The following PARD3B variants were observed in gnomAD, a reference collection of about 807,000 sequenced individuals.
The protein encoded by PARD3B is par-3 family cell polarity regulator beta, also known as partitioning defective 3 homolog B.
Under a neutral mutation model 130.2 loss-of-function variants are expected in PARD3B, and 103 were observed. That is an observed-to-expected ratio of 0.79 (90% confidence interval 0.67 to 0.93). The LOEUF is 0.93. Ranked by LOEUF, PARD3B falls within the 40% of genes least tolerant of loss-of-function variation. The pLI is 0.00. For synonymous variants in PARD3B, 583 were observed against 553.2 expected (o/e 1.05, Z -0.76); for missense variants, 1,609 against 1,499.2 (o/e 1.07, Z -1.21).
At chr2:204,859,106 C>CA (rs902082264) in intron 2 of PARD3B, among the ~76,000 whole-genome samples, 16 of 151,626 alleles carry the variant, frequency 1.1e-4, no homozygotes, top group African/African-American at 3.4e-4. Flanking sequence ...TGCTTCAAGG[C>CA]AAAAAAATAT....
At chr2:205,202,278 A>T (rs2037037412) in intron 15 of PARD3B, among the ~76,000 whole-genome samples, 1 of 152,224 alleles carries the variant, frequency 6.6e-6, no homozygotes, top group African/African-American at 2.4e-5. Flanking sequence ...TCTGTTTAAA[A>T]TTCATTAAAA....
At chr2:204,745,016 T>C (rs1229143047) in intron 2 of PARD3B, among the ~76,000 whole-genome samples, 1 of 152,062 alleles carries the variant, frequency 6.6e-6, no homozygotes, top group East Asian at 1.9e-4. Context: ...TGGGGTCCTA[T>C]CTGAGTAGGG....
At chr2:205,204,791 C>T (rs1434593084) in intron 15 of PARD3B, among the ~76,000 whole-genome samples, 1 of 152,120 alleles carries the variant, frequency 6.6e-6, no homozygotes, top group East Asian at 1.9e-4. Context: ...GGTCTCTATT[C>T]TGTTCCATTG....
chr2:205,538,011 C>T (rs1373864629), intron 21 of PARD3B, among the ~76,000 whole-genome samples: 1 of 152,104 alleles, frequency 6.6e-6, no homozygotes, highest in African/African-American at 2.4e-5. Context: ...TATGTCTCTC[C>T]TTCAAGATTA....
At chr2:204,740,782 A>C (rs2039975713) in intron 2 of PARD3B, among the ~76,000 whole-genome samples, 1 of 152,198 alleles carries the variant, frequency 6.6e-6, no homozygotes. Flanking sequence ...CATACATGAC[A>C]GCTCTAGGCT....
chr2:204,583,473 G>T (rs1420190691), intron 1 of PARD3B, among the ~76,000 whole-genome samples: 1,177 of 108,904 alleles, frequency 0.011, 14 homozygotes, highest in Non-Finnish European at 0.018. Context: ...TGGGGACTGT[G>T]GTGGGGTGGG....
At chr2:204,776,484 T>A (rs530644682) in intron 2 of PARD3B, among the ~76,000 whole-genome samples, 23 of 152,270 alleles carry the variant, frequency 1.5e-4, no homozygotes, top group African/African-American at 5.5e-4. Context: ...TCTGTGGTAG[T>A]CTGGCTGCCA....
At chr2:204,949,470 A>G (rs1197971909) in intron 2 of PARD3B, among the ~76,000 whole-genome samples, 1 of 151,772 alleles carries the variant, frequency 6.6e-6, no homozygotes, top group Non-Finnish European at 1.5e-5. Flanking sequence ...GGAGCATACC[A>G]CCACACCTGG....
At chr2:205,023,378 GAAGA>G (rs1696768015) in intron 3 of PARD3B, among the ~76,000 whole-genome samples, 1 of 150,038 alleles carries the variant, frequency 6.7e-6, no homozygotes, top group Non-Finnish European at 1.5e-5. Context: ...AAAGGAAATT[GAAGA>G]AAGAGAAGGC....
chr2:205,105,071 A>T lies in PARD3B; in HGVS notation c.593+557A>T, dbSNP rs1425234577. On this transcript the variant is annotated intron_variant, in intron 5 of 22. Transcript: ENST00000406610. This position sits in a 1 kb window ranked among gnomAD's most constrained non-coding sequence, Gnocchi z 4.0. ...CTTTCTTTGCTTTGCATTGATTCCC[A>T]GTTCAGCTCTAGGTAGTGCCTGGGT... Among the ~76,000 whole-genome samples the T allele has an allele frequency of 6.6e-6, 1 of 152,136 alleles. No homozygotes were observed. The highest frequency in any genetic ancestry group is 1.5e-5 in the Non-Finnish European group (1 of 68,024).
At chr2:204,612,734 A>C (rs1184537669) in intron 1 of PARD3B, among the ~76,000 whole-genome samples, 1 of 152,118 alleles carries the variant, frequency 6.6e-6, no homozygotes, top group Non-Finnish European at 1.5e-5. Context: ...AAATATCAGC[A>C]ATGCCATGCC....
At chr2:204,712,851 C>T (rs886374391) in intron 2 of PARD3B, among the ~76,000 whole-genome samples, 3 of 152,046 alleles carry the variant, frequency 2.0e-5, no homozygotes, top group Non-Finnish European at 4.4e-5. Flanking sequence ...TATCATTACA[C>T]CAATTGGTAT....
chr2:204,784,530 G>A (rs1232617812), intron 2 of PARD3B, among the ~76,000 whole-genome samples: 10 of 152,160 alleles, frequency 6.6e-5, no homozygotes, highest in Non-Finnish European at 1.2e-4. Context: ...TTCATGTGGT[G>A]TGTTAAATGC....
intron 21 of PARD3B, among the ~76,000 whole-genome samples, chr2:205,540,316 A>G (rs905205599): frequency 4.6e-5 from 7 of 151,626 alleles, no homozygotes; most frequent in African/African-American, 1.5e-4. Flanking sequence ...GCTGCAGCTT[A>G]AAGTATTTTA....
chr2:204,686,802 G>A (rs541345161), intron 2 of PARD3B, among the ~76,000 whole-genome samples: 1 of 152,208 alleles, frequency 6.6e-6, no homozygotes, highest in African/African-American at 2.4e-5. Flanking sequence ...AAGTTTGAGC[G>A]TGTTCTGCCA....
chr2:204,815,245 A>G (rs549607904), intron 2 of PARD3B, among the ~76,000 whole-genome samples: 4 of 152,100 alleles, frequency 2.6e-5, no homozygotes, highest in Admixed American at 1.3e-4. Flanking sequence ...CACTTGATGA[A>G]TGAGCATTGG....
chr2:205,238,884 G>GTATATA lies in PARD3B; in HGVS notation c.2141-6893_2141-6892insATATAT, dbSNP rs368546075. Among the ~76,000 whole-genome samples, 103 of 75,226 alleles carry GTATATA rather than the reference G, an allele frequency of 1.4e-3. 1 individual carries two copies. Among genetic ancestry groups the GTATATA allele is most frequent in the Non-Finnish European group, 2.0e-3 (82 of 41,652 alleles). The allele number at this position is 75,226 out of a possible 152,430, so 49.4% of individuals were successfully genotyped here. A position where few individuals can be genotyped will look rare whatever the true frequency, so the allele number is the denominator to read the frequency against. ...TATATATATATATATATATGTATGT[G>GTATATA]TGTATATATATATATATATATATAT... On this transcript the variant is annotated intron_variant, in intron 15 of 22. Transcript: ENST00000406610.
chr2:205,110,762 T>C (rs1703587078), intron 5 of PARD3B, among the ~76,000 whole-genome samples: 1 of 152,038 alleles, frequency 6.6e-6, no homozygotes, highest in African/African-American at 2.4e-5. Flanking sequence ...GCTACTATAC[T>C]GTCCTCTAAA....
Position 205,354,872 on chromosome 2 carries a change from A to T in PARD3B, c.2631-46141A>T, listed in dbSNP as rs573104977. ...TGTTATAGGATGTTAATCTCCTGGG[A>T]CAGAATGGGAATAGGTAAGGTGACA... On this transcript the variant is annotated intron_variant, in intron 18 of 22. Coordinates refer to ENST00000406610, the MANE Select transcript of PARD3B (RefSeq NM_001302769.2). Among the ~76,000 whole-genome samples the T allele has an allele frequency of 3.9e-5, 6 of 152,336 alleles. No individual in the cohort carries two copies. The South Asian group carries it at 1.2e-3, about 32-fold the overall frequency.
Sources: allele counts gnomAD v4.1 joint callset (sites outside exome capture counted in the v4.1 genomes callset), GRCh38; gene constraint gnomAD v4.1.1; non-coding constraint Gnocchi (gnomAD v3.1); transcripts MANE v1.5; gene names NCBI Gene and HGNC (gene_info 2026-07-23, HGNC 2026-07-21).